The following CHCHD7 variants were observed in gnomAD, a reference collection of about 807,000 sequenced individuals.
The protein encoded by CHCHD7 is coiled-coil-helix-coiled-coil-helix domain containing 7.
Under a neutral mutation model 10.5 loss-of-function variants are expected in CHCHD7, and 7 were observed. That is an observed-to-expected ratio of 0.67 (90% CI 0.38 to 1.25). CHCHD7 has a LOEUF of 1.25. CHCHD7 is among the 50% of genes most tolerant of loss of function. The probability of loss-of-function intolerance (pLI) is 0.02; values close to 1 mark genes in which losing one functional copy is unlikely to be tolerated. For synonymous variants in CHCHD7, 40 were observed against 36.0 expected, an observed-to-expected ratio of 1.11 and a Z score of -0.40; for missense variants, 100 against 104.5, an observed-to-expected ratio of 0.96 and a Z score of 0.19.
At chr8:56,212,209 T>A (rs1813025253) in intron 1 of CHCHD7, 1 of 153,036 alleles carries the variant, frequency 6.5e-6, no homozygotes, top group African/African-American at 2.4e-5. Flanking sequence ...CAGGATCAGA[T>A]GCTGACGGGC....
In CHCHD7 at chr8:56,218,030, T is replaced by A; in HGVS notation, c.*595T>A. 4.4e-6 allele frequency: 1 copy of A among 229,310 alleles called. No homozygotes were observed. The highest frequency in any genetic ancestry group is 8.6e-6 in the Non-Finnish European group (1 of 115,626). 14.2% of individuals were successfully genotyped at this position (229,310 alleles called of 1,614,324 possible). On this transcript the variant is annotated 3_prime_UTR_variant, in exon 4 of 4. Transcript: ENST00000355315. ...GTACATTCACTAGGGGCAAATGGGT[T>A]TTTCTAAATAAATGACATAAAAAAG...
rs199837228 is a variant in CHCHD7 at position 56,216,447 on chromosome 8, C to T, written c.69C>T (p.Ser23=). The T allele has an allele frequency of 8.1e-5, 131 of 1,613,872 alleles. No individual in the cohort carries two copies. The highest frequency in any genetic ancestry group is 1.1e-4 in the Non-Finnish European group (124 of 1,179,770). Residue 23 remains serine, a synonymous_variant, in exon 3 of 4, where the codon TCC becomes TCT. Coordinates refer to ENST00000355315, the MANE Select transcript of CHCHD7 (RefSeq NM_001011671.3). ...ATATCTGTAAGGAATCTGATGCTTCCACCAGATGTCTGGATGAAAATAACT... is the reference window on the plus strand; with the variant it reads ...ATATCTGTAAGGAATCTGATGCTTCTACCAGATGTCTGGATGAAAATAACT... ...INPCLSESDA[S]TRCLDENNYD... is the part of the protein sequence containing the mutation.
rs1813439841 is a variant in CHCHD7, at chr8:56,217,677, G to A, written c.*242G>A. ...TTTCTGGAGGCATGGAGTTAGGTAA[G>A]GCTACATGAGAAATTGAGCTTTTCC... On this transcript the variant is annotated 3_prime_UTR_variant, in exon 4 of 4. Transcript: ENST00000355315. 1.7e-5 allele frequency: 6 copies of A among 360,296 alleles called. No individual in the cohort carries two copies. The South Asian group carries it at 2.3e-4, about 14-fold the overall frequency. The allele number at this position is 360,296 out of a possible 1,614,324, so 22.3% of individuals were successfully genotyped here. A position where few individuals can be genotyped will look rare whatever the true frequency, so the allele number is the denominator to read the frequency against.
rs750320264 is a variant in CHCHD7, at chr8:56,216,470, A to T, written c.92A>T (p.Asn31Ile). Residue 31 changes from asparagine (N) to isoleucine (I), a missense_variant, in exon 3 of 4, where the codon AAC becomes ATC. Coordinates refer to ENST00000355315, the MANE Select transcript of CHCHD7 (RefSeq NM_001011671.3). ...DASTRCLDENNYDRERCSTYF... is the reference protein window; with the variant it reads ...DASTRCLDENIYDRERCSTYF... ...TCCACCAGATGTCTGGATGAAAATA[A>T]CTATGACAGGGAAAGGTGTTCCACT... is the stretch of plus-strand genomic sequence containing the variant. 3 of 1,614,048 alleles carry T rather than the reference A, an allele frequency of 1.9e-6. No homozygotes were observed. The East Asian group carries it at 6.7e-5, about 36-fold the overall frequency.
chr8:56,216,574 A>G (rs1813362185), intron 3 of CHCHD7, 43 bp downstream of exon 3: 2 of 1,610,074 alleles, frequency 1.2e-6, no homozygotes, highest in Admixed American at 3.3e-5. Flanking sequence ...CCCATCTCCT[A>G]GGGTTGAAAC....
intron 2 of CHCHD7, chr8:56,215,305 G>C (rs751402774): frequency 1.3e-5 from 2 of 152,144 alleles, no homozygotes; most frequent in Non-Finnish European, 2.9e-5. Context: ...GCTTTGTTCT[G>C]TTTACGTAGA....
At chr8:56,217,285 T>C in intron 3 of CHCHD7, 46 bp from the exon 4 acceptor site, 1 of 1,115,262 alleles carries the variant, frequency 9.0e-7, no homozygotes, top group South Asian at 1.3e-5. Context: ...ATTTAATACA[T>C]GACTGATTTT....
chr8:56,214,281 G>C lies in CHCHD7; in HGVS notation c.-16-317G>C, dbSNP rs80080669. On this transcript the variant is annotated intron_variant, in intron 1 of 3. Coordinates refer to ENST00000355315, the MANE Select transcript of CHCHD7 (RefSeq NM_001011671.3). ...AAATGGGGTTTCTCTGTGTCGCCTAGGTTGATCTCGAACTGCTGAGCTTAA... is the reference window on the plus strand; with the variant it reads ...AAATGGGGTTTCTCTGTGTCGCCTACGTTGATCTCGAACTGCTGAGCTTAA... 582 of 178,794 alleles carry C rather than the reference G, an allele frequency of 3.3e-3. 1 individual carries two copies. The highest frequency in any genetic ancestry group is 0.012 in the African/African-American group (530 of 42,514). 11.1% of individuals were successfully genotyped at this position (178,794 alleles called of 1,614,324 possible).
At chr8:56,216,181 T>G (rs76022786) in intron 2 of CHCHD7, among the ~76,000 whole-genome samples, 3,825 of 152,336 alleles carry the variant, frequency 0.025, 53 homozygotes, top group Middle Eastern at 0.12. Context: ...TCACAGTTAT[T>G]TGGCTCAAAT....
In CHCHD7 at chr8:56,217,656, T is replaced by A; in HGVS notation, c.*221T>A. The A allele has an allele frequency of 2.4e-6, 1 of 418,630 alleles. No homozygotes were observed. The highest frequency in any genetic ancestry group is 4.3e-6 in the Non-Finnish European group (1 of 231,110). 25.9% of individuals were successfully genotyped at this position (418,630 alleles called of 1,614,324 possible). On this transcript the variant is annotated 3_prime_UTR_variant, in exon 4 of 4. Coordinates refer to ENST00000355315, the MANE Select transcript of CHCHD7 (RefSeq NM_001011671.3). Reference sequence around the variant, plus strand: ...TGTGGCATGAGTTTGCATGACTTTCTGGAGGCATGGAGTTAGGTAAGGCTA... The same window carrying A: ...TGTGGCATGAGTTTGCATGACTTTCAGGAGGCATGGAGTTAGGTAAGGCTA...
At chr8:56,212,871 T>C (rs1342963315) in intron 1 of CHCHD7, 1 of 1,609,450 alleles carries the variant, frequency 6.2e-7, no homozygotes, top group East Asian at 2.2e-5. Flanking sequence ...AAGAAACTCA[T>C]GCACCAAACT....
intron 2 of CHCHD7, 55 bp from the exon 3 acceptor site, chr8:56,216,378 T>TTTGC: frequency 6.2e-7 from 1 of 1,600,092 alleles, no homozygotes; most frequent in Non-Finnish European, 8.5e-7. Flanking sequence ...TGTTTGTTTG[T>TTTGC]TTGCTTTTAG....
rs1459884753 is a variant in CHCHD7 at position 56,218,669 on chromosome 8, C to T, written c.*1234C>T. 5 of 200,092 alleles carry T rather than the reference C, an allele frequency of 2.5e-5. No homozygotes were observed. In the South Asian group the frequency reaches 7.7e-4, roughly 31 times the overall value. The allele number at this position is 200,092 out of a possible 1,614,324, so 12.4% of individuals were successfully genotyped here. A position where few individuals can be genotyped will look rare whatever the true frequency, so the allele number is the denominator to read the frequency against. On this transcript the variant is annotated 3_prime_UTR_variant, in exon 4 of 4. Transcript: ENST00000355315. ...ATAAAAATGATGGATTAAAATAGGA[C>T]CAGAAAAGAATGAATGCCTACCTGT...
chr8:56,214,660 G>A lies in CHCHD7; in HGVS notation c.47G>A (p.Cys16Tyr), dbSNP rs758577696. Residue 16 changes from cysteine (C) to tyrosine (Y), a missense_variant, in exon 2 of 4, where the codon TGT (cysteine) becomes TAT (tyrosine). Transcript: ENST00000355315. The part of the protein sequence containing the change: ...QRLRDPDINP[C>Y]LSESDASTRC... Reference sequence around the variant, plus strand: ...CTGAGAGATCCTGACATAAATCCTTGTTTGTCGGTAGGATGGTTTGCTTTA... The same window carrying A: ...CTGAGAGATCCTGACATAAATCCTTATTTGTCGGTAGGATGGTTTGCTTTA... 12 of 1,613,252 alleles carry A rather than the reference G, an allele frequency of 7.4e-6. No individual in the cohort carries two copies. The highest frequency in any genetic ancestry group is 1.0e-5 in the Non-Finnish European group (12 of 1,179,336).
intron 3 of CHCHD7, among the ~76,000 whole-genome samples, chr8:56,217,105 C>T (rs1813394243): frequency 6.6e-6 from 1 of 152,076 alleles, no homozygotes. Context: ...ATCCCAATTG[C>T]TGTTAATGTA....
Position 56,217,629 on chromosome 8 carries a change from G to A in CHCHD7, c.*194G>A. The A allele has an allele frequency of 2.2e-6, 1 of 460,274 alleles. No homozygotes were observed. Among genetic ancestry groups the A allele is most frequent in the Non-Finnish European group, 3.9e-6 (1 of 256,144 alleles). The allele number at this position is 460,274 out of a possible 1,614,324, so 28.5% of individuals were successfully genotyped here. A position where few individuals can be genotyped will look rare whatever the true frequency, so the allele number is the denominator to read the frequency against. ...CCGATGGTATGTTGCTGTTGGCTGT[G>A]TTGTGGCATGAGTTTGCATGACTTT... is the stretch of plus-strand genomic sequence containing the variant. On this transcript the variant is annotated 3_prime_UTR_variant, in exon 4 of 4. Coordinates refer to ENST00000355315, the MANE Select transcript of CHCHD7 (RefSeq NM_001011671.3).
At chr8:56,213,634 C>T (rs1379807502) in intron 1 of CHCHD7, 1 of 152,222 alleles carries the variant, frequency 6.6e-6, no homozygotes, top group Admixed American at 6.5e-5. Context: ...TCGTGATCCG[C>T]CCGACTCGGC....
chr8:56,218,112 C>A lies in CHCHD7; in HGVS notation c.*677C>A. On this transcript the variant is annotated 3_prime_UTR_variant, in exon 4 of 4. Coordinates refer to ENST00000355315, the MANE Select transcript of CHCHD7 (RefSeq NM_001011671.3). ...GTTACAGGATTCTGTGATTAAAATCCTTAAATATTGGGTTGCCTTCTGCAG... is the reference window on the plus strand; with the variant it reads ...GTTACAGGATTCTGTGATTAAAATCATTAAATATTGGGTTGCCTTCTGCAG... 1 of 227,864 alleles carries A rather than the reference C, an allele frequency of 4.4e-6. No homozygotes were observed. The highest frequency in any genetic ancestry group is 8.7e-6 in the Non-Finnish European group (1 of 114,804). 14.1% of individuals were successfully genotyped at this position (227,864 alleles called of 1,614,324 possible).
At chr8:56,216,373 G>A in intron 2 of CHCHD7, 60 bp from the exon 3 acceptor site, 1 of 1,600,708 alleles carries the variant, frequency 6.2e-7, no homozygotes, top group Non-Finnish European at 8.5e-7. Flanking sequence ...TTGTTTGTTT[G>A]TTTGTTTGCT....
Sources: allele counts gnomAD v4.1 joint callset (sites outside exome capture counted in the v4.1 genomes callset), GRCh38; gene constraint gnomAD v4.1.1; transcripts MANE v1.5; gene names NCBI Gene and HGNC (gene_info 2026-07-23, HGNC 2026-07-21).